FGF9: variants seen among roughly 807,000 people sequenced by gnomAD.
The protein encoded by FGF9 is fibroblast growth factor 9, also known as fibroblast growth factor 9 (glia-activating factor).
In FGF9, 3 loss-of-function variants were observed where a neutral mutation model predicts 19.9. The ratio of observed to expected loss-of-function variants is 0.15; its 90% confidence interval spans 0.07 to 0.39. FGF9 has a LOEUF of 0.39. Ranked by LOEUF, FGF9 falls within the 10% of genes least tolerant of loss-of-function variation. The pLI is 1.00. For synonymous variants in FGF9, 107 were observed against 106.9 expected, an observed-to-expected ratio of 1.00 and a Z score of -0.01; for missense variants, 175 against 256.8, an observed-to-expected ratio of 0.68 and a Z score of 2.18.
intron 1 of FGF9, among the ~76,000 whole-genome samples, chr13:21,675,525 C>A (rs1315753366): frequency 6.6e-6 from 1 of 151,896 alleles, no homozygotes; most frequent in South Asian, 2.1e-4. Flanking sequence ...TGCGGTGCCC[C>A]GGCTCTGGCA....
Position 21,680,526 on chromosome 13 carries a change from A to C in FGF9, c.278-516A>C, listed in dbSNP as rs574929922. Reference sequence around the variant, plus strand: ...AAAGGCTGGGAAGTCCAAAAGCAAGATACTCACACACAGATACTTAACTTC... The same window carrying C: ...AAAGGCTGGGAAGTCCAAAAGCAAGCTACTCACACACAGATACTTAACTTC... On this transcript the variant is annotated intron_variant, in intron 1 of 2. Transcript: ENST00000382353. Among the ~76,000 whole-genome samples the C allele has an allele frequency of 1.6e-4, 24 of 152,260 alleles. No individual in the cohort carries two copies. In the South Asian group the frequency reaches 5.0e-3, roughly 32 times the overall value.
At position 21,671,383 on chromosome 13, in the gene FGF9, T is replaced by C; in HGVS notation, c.-530T>C. 1 of 396,622 alleles carries C rather than the reference T, an allele frequency of 2.5e-6. No homozygotes were observed. Among genetic ancestry groups the C allele is most frequent in the Non-Finnish European group, 4.4e-6 (1 of 225,432 alleles). The allele number at this position is 396,622 out of a possible 1,614,324, so 24.6% of individuals were successfully genotyped here. On this transcript the variant is annotated 5_prime_UTR_variant, in exon 1 of 3. Coordinates refer to ENST00000382353, the MANE Select transcript of FGF9 (RefSeq NM_002010.3). The stretch of plus-strand genomic sequence containing the variant: ...GCCGCCACCAACGTGAGATTTTTTT[T>C]TCCCCTTGAAGGATTCATGCTGATG...
intron 2 of FGF9, among the ~76,000 whole-genome samples, chr13:21,690,855 G>C (rs1022817224): frequency 3.9e-5 from 6 of 152,236 alleles, no homozygotes; most frequent in African/African-American, 1.2e-4. Context: ...CATCCTCAGT[G>C]TAATACTGAA....
chr13:21,701,494 G>C lies in FGF9; in HGVS notation c.*59G>C, dbSNP rs17840929. ...AGTAACCACTATAAAGGTTTCACGC[G>C]GTGGGTTCTTATTGATTCGCTGTGT... On this transcript the variant is annotated 3_prime_UTR_variant, in exon 3 of 3. Transcript: ENST00000382353. 55 of 1,611,914 alleles carry C rather than the reference G, an allele frequency of 3.4e-5. No individual in the cohort carries two copies. The highest frequency in any genetic ancestry group is 4.3e-5 in the Non-Finnish European group (51 of 1,178,696).
chr13:21,672,316 CTG>C lies in FGF9; in HGVS notation c.277+129_277+130del. On this transcript the variant is annotated intron_variant, in intron 1 of 2. Coordinates refer to ENST00000382353, the MANE Select transcript of FGF9 (RefSeq NM_002010.3). This position sits in a 1 kb window ranked among gnomAD's most constrained non-coding sequence, Gnocchi z 4.2. ...CCTCCTCCCCTCTTTCTCTGTATCT[CTG>C]TCTCTCTCTCTCTCTGTCTTGCCAG... is the stretch of plus-strand genomic sequence containing the variant. 1.9e-6 allele frequency: 2 copies of C among 1,046,048 alleles called. No homozygotes were observed. Among genetic ancestry groups the C allele is most frequent in the South Asian group, 1.3e-5 (1 of 77,198 alleles). 64.8% of individuals were successfully genotyped at this position (1,046,048 alleles called of 1,614,324 possible). A position where few individuals can be genotyped will look rare whatever the true frequency, so the allele number is the denominator to read the frequency against.
rs376187337 is a variant in FGF9, at chr13:21,672,003, G to C, written c.91G>C (p.Val31Leu). Reference protein sequence around the residue: ...NVPVLPVDSPVLLSDHLGQSE... With the variant: ...NVPVLPVDSPLLLSDHLGQSE... ...GCCCGTGTTGCCGGTGGACAGCCCG[G>C]TTTTGTTAAGTGACCACCTGGGTCA... Residue 31 changes from valine (V) to leucine (L), a missense_variant, in exon 1 of 3, where the codon GTT (valine) becomes CTT (leucine). Transcript: ENST00000382353. The surrounding 1 kb of genome is among the most constrained non-coding windows in gnomAD (Gnocchi z 4.2). 4 of 1,614,090 alleles carry C rather than the reference G, an allele frequency of 2.5e-6. No homozygotes were observed. The African/African-American group carries it at 5.3e-5, about 22-fold the overall frequency.
At chr13:21,690,427 G>A (rs1363247399) in intron 2 of FGF9, among the ~76,000 whole-genome samples, 1 of 151,990 alleles carries the variant, frequency 6.6e-6, no homozygotes, top group Non-Finnish European at 1.5e-5. Context: ...TCACACACTA[G>A]CATTCACCTA....
intron 2 of FGF9, among the ~76,000 whole-genome samples, chr13:21,692,602 G>C (rs2138143282): frequency 6.6e-6 from 1 of 152,340 alleles, no homozygotes; most frequent in South Asian, 2.1e-4. Flanking sequence ...TAGCTGGGCT[G>C]TGAGGATTAG....
In FGF9 at chr13:21,671,606, C is replaced by T; in HGVS notation, c.-307C>T. The T allele has an allele frequency of 3.7e-6, 2 of 540,394 alleles. No individual in the cohort carries two copies. The allele number at this position is 540,394 out of a possible 1,614,324, so 33.5% of individuals were successfully genotyped here. ...TTATTACGGTCGGATGGGATGAAGA[C>T]CTTCCTGCCTGCTAAGAGCTGGGGA... is the stretch of plus-strand genomic sequence containing the variant. On this transcript the variant is annotated 5_prime_UTR_variant, in exon 1 of 3. Transcript: ENST00000382353.
At chr13:21,699,062 A>G (rs1363075074) in intron 2 of FGF9, among the ~76,000 whole-genome samples, 1 of 152,238 alleles carries the variant, frequency 6.6e-6, no homozygotes, top group Non-Finnish European at 1.5e-5. Context: ...ATCCGTTTCA[A>G]TAGAGATGAG....
chr13:21,687,923 G>A (rs1032553683), intron 2 of FGF9, among the ~76,000 whole-genome samples: 1 of 152,196 alleles, frequency 6.6e-6, no homozygotes, highest in Non-Finnish European at 1.5e-5. Flanking sequence ...GAAAGGCAAA[G>A]TAAAGACATT....
chr13:21,688,224 G>T (rs1158423843), intron 2 of FGF9, among the ~76,000 whole-genome samples: 1 of 152,248 alleles, frequency 6.6e-6, no homozygotes, highest in Admixed American at 6.5e-5. Context: ...TAGTGGTTCA[G>T]TTCCGATTGC....
Position 21,691,979 on chromosome 13 carries a change from C to CTTTTTTTTTTTT in FGF9, c.382-9208_382-9197dup, listed in dbSNP as rs11439016. On this transcript the variant is annotated intron_variant, in intron 2 of 2. Coordinates refer to ENST00000382353, the MANE Select transcript of FGF9 (RefSeq NM_002010.3). The surrounding 1 kb of genome is among the most constrained non-coding windows in gnomAD (Gnocchi z 4.2). ...TGACATTAATTGATTCCCTTTTAAT[C>CTTTTTTTTTTTT]TTTTTTTTTTTTTTGTAATTCTTCA... Among the ~76,000 whole-genome samples the CTTTTTTTTTTTT allele has an allele frequency of 6.9e-6, 1 of 145,308 alleles. No individual in the cohort carries two copies.
At position 21,684,540 on chromosome 13, in the gene FGF9, T is replaced by C. The variant is rs539811925; in HGVS notation, c.381+3395T>C. ...GAGGAATCACCATCTTCCATTTCTA[T>C]GCATAATTGGCCTGTGTGTGCCTGT... On this transcript the variant is annotated intron_variant, in intron 2 of 2. Coordinates refer to ENST00000382353, the MANE Select transcript of FGF9 (RefSeq NM_002010.3). Among the ~76,000 whole-genome samples the C allele has an allele frequency of 2.2e-3, 333 of 152,332 alleles. 2 individuals are homozygous for C. The highest frequency in any genetic ancestry group is 7.8e-3 in the African/African-American group (323 of 41,578).
rs540047092 is a variant in FGF9 at position 21,701,126 on chromosome 13, A to G, written c.382-64A>G. Reference sequence around the variant, plus strand: ...TGCTGCACCTATCAATCCATCCCCTAGGTATTAAGCCCAGCATGCATTAGC... The same window carrying G: ...TGCTGCACCTATCAATCCATCCCCTGGGTATTAAGCCCAGCATGCATTAGC... On this transcript the variant is annotated intron_variant, in intron 2 of 2. Transcript: ENST00000382353. 521 of 1,355,998 alleles carry G rather than the reference A, an allele frequency of 3.8e-4. 1 individual carries two copies. The South Asian group carries it at 6.1e-3, about 16-fold the overall frequency. 84.0% of individuals were successfully genotyped at this position (1,355,998 alleles called of 1,614,324 possible). A position where few individuals can be genotyped will look rare whatever the true frequency, so the allele number is the denominator to read the frequency against.
chr13:21,673,310 A>G (rs1871815188), intron 1 of FGF9, among the ~76,000 whole-genome samples: 1 of 152,172 alleles, frequency 6.6e-6, no homozygotes, highest in Non-Finnish European at 1.5e-5. Context: ...GTTGAACACA[A>G]TCTAAACTGT....
chr13:21,679,186 T>C (rs1871983104), intron 1 of FGF9, among the ~76,000 whole-genome samples: 1 of 152,324 alleles, frequency 6.6e-6, no homozygotes, highest in South Asian at 2.1e-4. Context: ...TCACTTTTTT[T>C]GATATACTGT....
chr13:21,685,967 G>A (rs905651019), intron 2 of FGF9, among the ~76,000 whole-genome samples: 7 of 152,142 alleles, frequency 4.6e-5, no homozygotes, highest in Non-Finnish European at 1.0e-4. Context: ...ATTAACATTG[G>A]TCACTTTTGT....
chr13:21,702,738 T>C lies in FGF9; in HGVS notation c.*1303T>C, dbSNP rs578002791. On this transcript the variant is annotated 3_prime_UTR_variant, in exon 3 of 3. Transcript: ENST00000382353. ...AAGTATCATAGGGGTCATTGTAACATCTTTTAGAGAAAATGGCTATCAGTG... is the reference window on the plus strand; with the variant it reads ...AAGTATCATAGGGGTCATTGTAACACCTTTTAGAGAAAATGGCTATCAGTG... The C allele has an allele frequency of 6.6e-6, 1 of 152,350 alleles. No individual in the cohort carries two copies. Among genetic ancestry groups the C allele is most frequent in the South Asian group, 2.1e-4 (1 of 4,832 alleles). The allele number at this position is 152,350 out of a possible 1,614,324, so 9.4% of individuals were successfully genotyped here.
Sources: gnomAD v4.1 joint callset for allele counts (sites outside exome capture counted in the v4.1 genomes callset) on GRCh38, gnomAD v4.1.1 for gene constraint, Gnocchi (gnomAD v3.1) non-coding constraint, MANE v1.5 for transcripts, NCBI Gene and HGNC (gene_info 2026-07-23, HGNC 2026-07-21) for gene names.